The following PACRG variants were observed in gnomAD, a reference collection of about 807,000 sequenced individuals.
PACRG encodes parkin coregulated, also known as parkin coregulated gene protein.
A neutral mutation model predicts 29.7 loss-of-function variants in PACRG; 29 were observed. The ratio of observed to expected loss-of-function variants is 0.98; its 90% CI spans 0.73 to 1.33. The LOEUF is 1.33. PACRG is among the 40% of genes most tolerant of loss of function. The pLI is 0.00. For synonymous variants in PACRG, 116 were observed against 118.7 expected (o/e 0.98, Z 0.15); for missense variants, 279 against 316.2 (o/e 0.88, Z 0.89).
At chr6:162,862,631 C>T (rs1353406127) in intron 2 of PACRG, among the ~76,000 whole-genome samples, 1 of 152,220 alleles carries the variant, frequency 6.6e-6, no homozygotes, top group Admixed American at 6.5e-5. Flanking sequence ...AGGACTAGTA[C>T]AGAAAGTCAC....
chr6:163,201,852 C>T (rs935276796), intron 4 of PACRG, among the ~76,000 whole-genome samples: 4 of 152,192 alleles, frequency 2.6e-5, no homozygotes, highest in African/African-American at 9.7e-5. Flanking sequence ...GCCCCGGGTC[C>T]ATTGCAAATG....
At chr6:162,790,726 T>C (rs905622598) in intron 1 of PACRG, among the ~76,000 whole-genome samples, 1 of 152,198 alleles carries the variant, frequency 6.6e-6, no homozygotes, top group African/African-American at 2.4e-5. Context: ...TATAAATTTC[T>C]TTTTGGAAGA....
At chr6:163,299,215 C>A (rs988060815) in intron 4 of PACRG, among the ~76,000 whole-genome samples, 1 of 152,202 alleles carries the variant, frequency 6.6e-6, no homozygotes, top group Admixed American at 6.5e-5. Flanking sequence ...CTGAGTCCCA[C>A]CTTGGATTTA....
intron 4 of PACRG, among the ~76,000 whole-genome samples, chr6:163,125,586 T>G (rs2128326951): frequency 6.6e-6 from 1 of 152,200 alleles, no homozygotes; most frequent in East Asian, 1.9e-4. Context: ...AAACAGCAAT[T>G]CAGAAAAGAA....
At chr6:162,922,900 T>C (rs1797167557) in intron 2 of PACRG, among the ~76,000 whole-genome samples, 1 of 152,208 alleles carries the variant, frequency 6.6e-6, no homozygotes, top group Non-Finnish European at 1.5e-5. Flanking sequence ...AGTATACTGA[T>C]TTCCTTTCCT....
At chr6:163,091,485 T>G (rs758440096) in intron 4 of PACRG, among the ~76,000 whole-genome samples, 41 of 152,254 alleles carry the variant, frequency 2.7e-4, no homozygotes, top group Non-Finnish European at 5.6e-4. Context: ...TTGGAGTCTT[T>G]CTAAATGCAT....
At chr6:162,813,085 AT>A (rs1309487709) in intron 1 of PACRG, among the ~76,000 whole-genome samples, 2 of 151,900 alleles carry the variant, frequency 1.3e-5, no homozygotes, top group Non-Finnish European at 2.9e-5. Context: ...GATACAATGT[AT>A]TTTTCATATC....
chr6:163,281,722 G>C (rs1468586331), intron 4 of PACRG, among the ~76,000 whole-genome samples: 1 of 151,898 alleles, frequency 6.6e-6, no homozygotes. Flanking sequence ...AGAATCCATA[G>C]AGTAATAATA....
chr6:163,023,102 A>G (rs1239394732), intron 2 of PACRG, among the ~76,000 whole-genome samples: 1 of 152,206 alleles, frequency 6.6e-6, no homozygotes, highest in Non-Finnish European at 1.5e-5. Context: ...TTATTTAGAT[A>G]CAGGTGGTAC....
chr6:162,833,871 G>C (rs1788990170), intron 2 of PACRG, among the ~76,000 whole-genome samples: 1 of 152,186 alleles, frequency 6.6e-6, no homozygotes, highest in South Asian at 2.1e-4. Context: ...GGCCCATGAT[G>C]TAAAGTTTAA....
At chr6:162,732,843 A>T (rs1311859958) in intron 1 of PACRG, among the ~76,000 whole-genome samples, 1 of 152,180 alleles carries the variant, frequency 6.6e-6, no homozygotes, top group African/African-American at 2.4e-5. Flanking sequence ...CCCAATTCTT[A>T]TAGAAAAAAA....
At chr6:162,957,250 G>T in intron 2 of PACRG, 1 of 483,478 alleles carries the variant, frequency 2.1e-6, no homozygotes, top group Non-Finnish European at 4.0e-6. Flanking sequence ...CTTTTGAAGT[G>T]CTTATGCTGT....
intron 4 of PACRG, chr6:163,095,501 A>G (rs1814492459): frequency 3.4e-6 from 3 of 885,554 alleles, no homozygotes; most frequent in South Asian, 1.0e-4. Context: ...ACAGAAATGT[A>G]TCGTCTCCCA....
At chr6:162,916,730 GT>G (rs1796719367) in intron 2 of PACRG, among the ~76,000 whole-genome samples, 1 of 152,026 alleles carries the variant, frequency 6.6e-6, no homozygotes, top group Non-Finnish European at 1.5e-5. Flanking sequence ...TCTTCTCCTT[GT>G]TTGTAGTTCT....
chr6:163,109,678 T>C (rs1815599729), intron 4 of PACRG, among the ~76,000 whole-genome samples: 1 of 152,206 alleles, frequency 6.6e-6, no homozygotes, highest in Non-Finnish European at 1.5e-5. Flanking sequence ...GCACATATGC[T>C]CATGGGACAA....
chr6:162,898,376 G>A (rs149756683), intron 2 of PACRG, among the ~76,000 whole-genome samples: 1 of 152,294 alleles, frequency 6.6e-6, no homozygotes, highest in East Asian at 1.9e-4. Context: ...TTACACTGAA[G>A]TGAGATTCTA....
intron 1 of PACRG, among the ~76,000 whole-genome samples, chr6:162,745,748 G>C (rs1462986987): frequency 6.6e-6 from 1 of 152,096 alleles, no homozygotes; most frequent in African/African-American, 2.4e-5. Flanking sequence ...AAACTTTCAA[G>C]CCTGTGTGAG....
intron 4 of PACRG, among the ~76,000 whole-genome samples, chr6:163,195,686 C>A (rs921949253): frequency 1.3e-5 from 2 of 152,196 alleles, no homozygotes; most frequent in African/African-American, 4.8e-5. Context: ...CCGCCCGACC[C>A]CCCTCTCAGC....
intron 1 of PACRG, among the ~76,000 whole-genome samples, chr6:162,778,093 G>C (rs1399843361): frequency 6.6e-6 from 1 of 152,164 alleles, no homozygotes; most frequent in South Asian, 2.1e-4. Flanking sequence ...GTCATCGTTT[G>C]CCATATGAAT....
Sources: gnomAD v4.1 joint callset for allele counts (sites outside exome capture counted in the v4.1 genomes callset) on GRCh38, gnomAD v4.1.1 for gene constraint, MANE v1.5 for transcripts, NCBI Gene and HGNC (gene_info 2026-07-23, HGNC 2026-07-21) for gene names.